The following FMN2 variants were observed in gnomAD, a reference collection of about 807,000 sequenced individuals.
FMN2 encodes the protein formin-2.
FMN2 carries 51 observed loss-of-function variants against 142.3 expected under a neutral mutation model. The ratio of observed to expected loss-of-function variants is 0.36; its 90% CI spans 0.29 to 0.45. The LOEUF (loss-of-function observed/expected upper bound fraction) is 0.45, where lower values mean the gene tolerates loss of function less well. Among genes scored for constraint, FMN2 ranks in the 20% least tolerant of loss-of-function variants. The pLI is 1.00. For missense variants in FMN2, 1,936 were observed against 2,122.8 expected, an observed-to-expected ratio of 0.91 and a Z score of 1.73; for synonymous variants, 882 against 869.8, an observed-to-expected ratio of 1.01 and a Z score of -0.25.
chr1:240,237,964 T>C (rs1333179089), intron 6 of FMN2, among the ~76,000 whole-genome samples: 1 of 152,242 alleles, frequency 6.6e-6, no homozygotes, highest in East Asian at 1.9e-4. Context: ...AATGAGTCTT[T>C]TAAAAGATGA....
At chr1:240,119,132 A>T (rs908974363) in intron 1 of FMN2, among the ~76,000 whole-genome samples, 19 of 152,080 alleles carry the variant, frequency 1.2e-4, no homozygotes, top group Admixed American at 1.2e-3. Context: ...GTTCGAGACC[A>T]GCCTGGCCAA....
At chr1:240,184,961 CT>C in intron 3 of FMN2, among the ~76,000 whole-genome samples, 3 of 148,644 alleles carry the variant, frequency 2.0e-5, no homozygotes, top group African/African-American at 7.4e-5. Flanking sequence ...CCTTCTCTTT[CT>C]CCCTCCTATA....
intron 15 of FMN2, among the ~76,000 whole-genome samples, chr1:240,427,867 A>G (rs1448488355): frequency 1.3e-5 from 2 of 152,198 alleles, no homozygotes; most frequent in African/African-American, 4.8e-5. Flanking sequence ...TCAGTTGTCC[A>G]TTTTTGTGAT....
At chr1:240,158,720 TA>T (rs1558327709) in intron 2 of FMN2, among the ~76,000 whole-genome samples, 1 of 152,194 alleles carries the variant, frequency 6.6e-6, no homozygotes, top group Non-Finnish European at 1.5e-5. Context: ...TCGAACTGAT[TA>T]ATAATTTTCT....
intron 7 of FMN2, among the ~76,000 whole-genome samples, chr1:240,264,931 A>G (rs1328835533): frequency 6.6e-6 from 1 of 152,056 alleles, no homozygotes; most frequent in Non-Finnish European, 1.5e-5. Context: ...GTTAATTCCC[A>G]CTTTATAGTA....
chr1:240,135,363 G>A (rs1480739562), intron 2 of FMN2, among the ~76,000 whole-genome samples: 2 of 152,100 alleles, frequency 1.3e-5, no homozygotes, highest in African/African-American at 2.4e-5. Context: ...TTTTCTGTAA[G>A]GGATATTTTC....
intron 14 of FMN2, among the ~76,000 whole-genome samples, chr1:240,363,738 C>G (rs185411551): frequency 1.3e-4 from 20 of 152,310 alleles, no homozygotes; most frequent in African/African-American, 4.8e-4. Context: ...TGTTTCTCCC[C>G]TCCCTTTATA....
chr1:240,411,368 C>T (rs1344518202), intron 15 of FMN2, among the ~76,000 whole-genome samples: 2 of 151,994 alleles, frequency 1.3e-5, no homozygotes, highest in Non-Finnish European at 2.9e-5. Flanking sequence ...GTTAGGAGTT[C>T]GAGACCTGCC....
intron 2 of FMN2, among the ~76,000 whole-genome samples, chr1:240,140,131 T>G (rs1663119739): frequency 6.6e-6 from 1 of 152,074 alleles, no homozygotes; most frequent in Non-Finnish European, 1.5e-5. Flanking sequence ...TTCCTCTGGG[T>G]GTGAATGATT....
chr1:240,398,335 T>C (rs1673859125), intron 15 of FMN2, among the ~76,000 whole-genome samples: 1 of 152,172 alleles, frequency 6.6e-6, no homozygotes, highest in African/African-American at 2.4e-5. Flanking sequence ...TGAACAGATA[T>C]CACATATTTA....
intron 7 of FMN2, among the ~76,000 whole-genome samples, chr1:240,258,422 C>T (rs10926183): frequency 0.38 from 57,995 of 151,882 alleles, 11,523 homozygotes; most frequent in East Asian, 0.55. Flanking sequence ...TGCAGACTGC[C>T]ATCTTCTCCA....
chr1:240,390,614 T>G (rs984133780), intron 14 of FMN2, among the ~76,000 whole-genome samples: 1 of 152,254 alleles, frequency 6.6e-6, no homozygotes, highest in African/African-American at 2.4e-5. Context: ...GATATCACTT[T>G]AAGAATTTTG....
chr1:240,418,177 T>C (rs1371237455), intron 15 of FMN2, among the ~76,000 whole-genome samples: 1 of 151,804 alleles, frequency 6.6e-6, no homozygotes, highest in Admixed American at 6.6e-5. Flanking sequence ...AATAGTTGTT[T>C]TAAATTCTTT....
intron 7 of FMN2, among the ~76,000 whole-genome samples, chr1:240,284,080 T>C (rs1234574879): frequency 6.6e-6 from 1 of 152,124 alleles, no homozygotes; most frequent in African/African-American, 2.4e-5. Flanking sequence ...GAAGACCACT[T>C]AAAAATTTTG....
chr1:240,311,754 A>T (rs1670612333), intron 8 of FMN2, among the ~76,000 whole-genome samples: 1 of 152,238 alleles, frequency 6.6e-6, no homozygotes, highest in Admixed American at 6.5e-5. Flanking sequence ...AAATTAAAAG[A>T]TTAACACAGC....
intron 15 of FMN2, among the ~76,000 whole-genome samples, chr1:240,420,565 G>A (rs1003137753): frequency 3.3e-5 from 5 of 152,134 alleles, no homozygotes; most frequent in South Asian, 4.1e-4. Context: ...CTGAGGGGGC[G>A]GGCCATTTGT....
intron 8 of FMN2, among the ~76,000 whole-genome samples, chr1:240,324,937 GC>G (rs1004903587): frequency 6.6e-6 from 1 of 152,092 alleles, no homozygotes; most frequent in African/African-American, 2.4e-5. Flanking sequence ...TGCGTCAAAA[GC>G]TTTAGGGATT....
Position 240,451,138 on chromosome 1 carries a change from C to T in FMN2, c.5060+12928C>T, listed in dbSNP as rs143311724. Among the ~76,000 whole-genome samples the T allele has an allele frequency of 7.5e-3, 1,141 of 152,062 alleles. 12 individuals carry two copies. Among genetic ancestry groups the T allele is most frequent in the African/African-American group, 0.026 (1,065 of 41,502 alleles). ...ATCCTAGTGCTTTGGGAGGCCGAGGCGGGTGGATCACGAGGTCAAGAGTTT... is the reference window on the plus strand; with the variant it reads ...ATCCTAGTGCTTTGGGAGGCCGAGGTGGGTGGATCACGAGGTCAAGAGTTT... On this transcript the variant is annotated intron_variant, in intron 16 of 17. Coordinates refer to ENST00000319653, the MANE Select transcript of FMN2 (RefSeq NM_020066.5).
intron 8 of FMN2, among the ~76,000 whole-genome samples, chr1:240,310,666 T>A (rs903904640): frequency 6.6e-6 from 1 of 152,208 alleles, no homozygotes; most frequent in Non-Finnish European, 1.5e-5. Context: ...ATATAATATT[T>A]ACAGTTGGTT....
Sources: gnomAD v4.1 joint callset for allele counts (sites outside exome capture counted in the v4.1 genomes callset) on GRCh38, gnomAD v4.1.1 for gene constraint, MANE v1.5 for transcripts, NCBI Gene and HGNC (gene_info 2026-07-23, HGNC 2026-07-21) for gene names.